PRR5: variants seen among roughly 807,000 people sequenced by gnomAD.
PRR5 encodes the protein proline-rich protein 5.
PRR5 carries 25 observed loss-of-function variants against 30.6 expected under a neutral mutation model. The observed-to-expected ratio is 0.82, with a 90% CI of 0.60 to 1.14. The LOEUF is 1.14. Among genes scored for constraint, PRR5 ranks in the 50% most tolerant of loss-of-function variants. The probability of loss-of-function intolerance (pLI) is 0.00; values close to 1 mark genes in which losing one functional copy is unlikely to be tolerated. For missense variants in PRR5, 600 were observed against 547.1 expected (o/e 1.10, Z -0.96); for synonymous variants, 286 against 247.1 (o/e 1.16, Z -1.48).
chr22:44,732,486 G>T (rs1376459063), intron 6 of PRR5, 95 bp downstream of exon 6: 5 of 1,492,762 alleles, frequency 3.3e-6, no homozygotes. Flanking sequence ...GGATTTAGGG[G>T]CACGAGACTT....
intron 1 of PRR5, among the ~76,000 whole-genome samples, chr22:44,707,918 G>A (rs1468588681): frequency 2.0e-5 from 3 of 152,154 alleles, no homozygotes; most frequent in African/African-American, 7.2e-5. Flanking sequence ...GGAGGCCCAG[G>A]CAGGCAGTTG....
intron 1 of PRR5, among the ~76,000 whole-genome samples, chr22:44,711,237 G>A (rs1419085844): frequency 3.3e-5 from 5 of 152,280 alleles, no homozygotes; most frequent in East Asian, 3.9e-4. Flanking sequence ...AGGTCTAACC[G>A]TAAGCCAAGT....
At position 44,691,298 on chromosome 22, in the gene PRR5, T is replaced by C. The variant is rs551785657; in HGVS notation, c.-10-11194T>C. Among the ~76,000 whole-genome samples the C allele has an allele frequency of 2.0e-5, 3 of 152,174 alleles. No homozygotes were observed. The East Asian group carries it at 5.8e-4, about 29-fold the overall frequency. On this transcript the variant is annotated intron_variant, in intron 1 of 8. Coordinates refer to the PRR5 transcript ENST00000006251. This position sits in a 1 kb window ranked among gnomAD's most constrained non-coding sequence, Gnocchi z 4.4. ...CCTCACCAGCCTGTGACCCTGCAGG[T>C]GACGTCAGGACTCAGAACCTCCATG...
At chr22:44,710,872 A>G (rs1229076672) in intron 1 of PRR5, among the ~76,000 whole-genome samples, 1 of 152,170 alleles carries the variant, frequency 6.6e-6, no homozygotes, top group Non-Finnish European at 1.5e-5. Flanking sequence ...GCTTCACAGA[A>G]AAGGCCGCAG....
At chr22:44,711,022 G>A (rs1400645962) in intron 1 of PRR5, among the ~76,000 whole-genome samples, 1 of 151,120 alleles carries the variant, frequency 6.6e-6, no homozygotes, top group African/African-American at 2.4e-5. Flanking sequence ...ACCCAGCCCA[G>A]AAGTGTAGTT....
chr22:44,724,586 T>C (rs576431595), intron 2 of PRR5, among the ~76,000 whole-genome samples: 61 of 152,290 alleles, frequency 4.0e-4, no homozygotes, highest in Non-Finnish European at 7.9e-4. Flanking sequence ...GTGTGGAATG[T>C]GGTGCTCCCA....
At chr22:44,718,876 C>A (rs1441187131) in intron 2 of PRR5, among the ~76,000 whole-genome samples, 1 of 152,080 alleles carries the variant, frequency 6.6e-6, no homozygotes, top group Non-Finnish European at 1.5e-5. Flanking sequence ...TATGAGAGTT[C>A]TTTATATATT....
chr22:44,701,224 G>C (rs976841100), upstream of PRR5, among the ~76,000 whole-genome samples: 1 of 152,188 alleles, frequency 6.6e-6, no homozygotes, highest in African/African-American at 2.4e-5. Flanking sequence ...AGCTGTGGCT[G>C]TCACCCCCCA....
chr22:44,705,735 C>T (rs1927088796), intron 1 of PRR5, among the ~76,000 whole-genome samples: 1 of 152,170 alleles, frequency 6.6e-6, no homozygotes, highest in Non-Finnish European at 1.5e-5. Flanking sequence ...AGTGATTCTC[C>T]TGTCGCAGCC....
At chr22:44,676,390 CAA>C (rs59016907), upstream of PRR5, among the ~76,000 whole-genome samples, 1,767 of 36,632 alleles carry the variant, frequency 0.048, 4 homozygotes, top group African/African-American at 0.12. Context: ...GACCCTGTCT[CAA>C]AAAAAAAAAA....
intron 4 of PRR5, among the ~76,000 whole-genome samples, chr22:44,728,773 G>T (rs6007266): frequency 6.6e-6 from 1 of 152,220 alleles, no homozygotes; most frequent in Admixed American, 6.5e-5. Flanking sequence ...TCCCTACAGA[G>T]CCTCTACCAG....
upstream of PRR5, among the ~76,000 whole-genome samples, chr22:44,701,052 T>C (rs1926227727): frequency 7.3e-6 from 1 of 137,828 alleles, no homozygotes; most frequent in African/African-American, 2.7e-5. Flanking sequence ...CCAGCTAATT[T>C]TGTATTTTTA....
upstream of PRR5, among the ~76,000 whole-genome samples, chr22:44,672,728 G>T (rs538037068): frequency 3.9e-5 from 6 of 152,352 alleles, no homozygotes; most frequent in African/African-American, 1.2e-4. Flanking sequence ...CTGAGCTCCT[G>T]TCCTGCCAGC....
intron 1 of PRR5, among the ~76,000 whole-genome samples, chr22:44,687,264 A>G (rs1924830384): frequency 6.6e-6 from 1 of 152,284 alleles, no homozygotes; most frequent in Admixed American, 6.5e-5. Context: ...CGCTTCAAAC[A>G]TCTATATTGT....
At chr22:44,719,712 A>G (rs1052485325) in intron 2 of PRR5, among the ~76,000 whole-genome samples, 5 of 152,076 alleles carry the variant, frequency 3.3e-5, no homozygotes, top group Non-Finnish European at 7.4e-5. Context: ...AGAAGCGTGC[A>G]TCTGAGTCCT....
At chr22:44,731,609 T>G (rs1169553277) in intron 4 of PRR5, 121 bp from the exon 5 acceptor site, 14 of 928,748 alleles carry the variant, frequency 1.5e-5, no homozygotes, top group Non-Finnish European at 2.2e-5. Context: ...CTTGGGCAGG[T>G]GCTGCCAGGG....
chr22:44,683,371 C>G (rs756497004), intron 1 of PRR5, among the ~76,000 whole-genome samples: 1 of 152,240 alleles, frequency 6.6e-6, no homozygotes, highest in Non-Finnish European at 1.5e-5. Context: ...GGCCACCTGG[C>G]AGCCCCAGCT....
intron 1 of PRR5, among the ~76,000 whole-genome samples, chr22:44,708,091 T>G (rs1927522147): frequency 6.6e-6 from 1 of 151,890 alleles, no homozygotes; most frequent in African/African-American, 2.4e-5. Flanking sequence ...CCCAGCTACT[T>G]TGGGACGTTG....
At chr22:44,734,597 A>G (rs1197815288) in intron 6 of PRR5, 1 of 164,800 alleles carries the variant, frequency 6.1e-6, no homozygotes, top group East Asian at 1.7e-4. Context: ...GTGGTCCCTG[A>G]TGGATGTGGA....
Sources: gnomAD v4.1 joint callset for allele counts (sites outside exome capture counted in the v4.1 genomes callset) on GRCh38, gnomAD v4.1.1 for gene constraint, Gnocchi (gnomAD v3.1) non-coding constraint, MANE v1.5 for transcripts, NCBI Gene and HGNC (gene_info 2026-07-23, HGNC 2026-07-21) for gene names.